ERBB4: variants seen among roughly 807,000 people sequenced by gnomAD.
ERBB4 encodes erb-b2 receptor tyrosine kinase 4.
ERBB4 carries 42 observed loss-of-function variants against 158.0 expected under a neutral mutation model. The ratio of observed to expected loss-of-function variants is 0.27; its 90% CI spans 0.21 to 0.34. ERBB4 has a LOEUF of 0.34. Among genes scored for constraint, ERBB4 ranks in the 10% least tolerant of loss-of-function variants. ERBB4 has a pLI of 1.00. For missense variants in ERBB4, 1,333 were observed against 1,624.1 expected (o/e 0.82, Z 3.08); for synonymous variants, 583 against 558.7 (o/e 1.04, Z -0.61).
chr2:212,078,197 T>A (rs2078328944), intron 2 of ERBB4, among the ~76,000 whole-genome samples: 2 of 152,076 alleles, frequency 1.3e-5, no homozygotes, highest in South Asian at 4.1e-4. Flanking sequence ...TGAACTAAAT[T>A]TAATTTTTAT....
intron 1 of ERBB4, among the ~76,000 whole-genome samples, chr2:212,427,216 C>T (rs957259962): frequency 2.0e-5 from 3 of 152,146 alleles, no homozygotes; most frequent in African/African-American, 7.2e-5. Flanking sequence ...ACTATCATTA[C>T]TATGCAAATA....
chr2:212,239,504 G>A (rs1361708426), intron 1 of ERBB4, among the ~76,000 whole-genome samples: 16 of 152,168 alleles, frequency 1.1e-4, no homozygotes, highest in Admixed American at 1.0e-3. Context: ...CCTCAGTCGT[G>A]TTCCTAAAGC....
intron 1 of ERBB4, among the ~76,000 whole-genome samples, chr2:212,318,946 T>C (rs1465188335): frequency 6.6e-6 from 1 of 151,562 alleles, no homozygotes; most frequent in East Asian, 2.0e-4. Flanking sequence ...GGACCAATCC[T>C]CACCATTTTT....
chr2:212,239,817 A>G lies in ERBB4; in HGVS notation c.83-114914T>C, dbSNP rs1014150176. On this transcript the variant is annotated intron_variant, in intron 1 of 27. Coordinates refer to ENST00000342788, the MANE Select transcript of ERBB4 (RefSeq NM_005235.3). ...TAAAAACAAAAGCAAGAGAAAGACA[A>G]GAATGTTTTTATCCTGTCAGAACTC... is the stretch of plus-strand genomic sequence containing the variant. 2.0e-5 allele frequency among the ~76,000 whole-genome samples: 3 copies of G among 152,242 alleles called. No homozygotes were observed. The East Asian group carries it at 5.8e-4, about 29-fold the overall frequency.
chr2:211,801,898 T>A (rs1409569643), intron 3 of ERBB4, among the ~76,000 whole-genome samples: 1 of 152,158 alleles, frequency 6.6e-6, no homozygotes, highest in African/African-American at 2.4e-5. Context: ...CTGGTGATAA[T>A]CTCTAGTTCA....
chr2:212,472,423 C>G (rs1340393927), intron 1 of ERBB4, among the ~76,000 whole-genome samples: 1 of 151,708 alleles, frequency 6.6e-6, no homozygotes, highest in Non-Finnish European at 1.5e-5. Context: ...GTACGTGGCT[C>G]TTAAGCCTTT....
chr2:212,514,307 G>T (rs1691698267), intron 1 of ERBB4, among the ~76,000 whole-genome samples: 1 of 152,058 alleles, frequency 6.6e-6, no homozygotes, highest in Admixed American at 6.5e-5. Context: ...CTTAAAAGTA[G>T]AATGTCAATG....
intron 1 of ERBB4, among the ~76,000 whole-genome samples, chr2:212,430,875 A>T (rs2092012830): frequency 6.6e-6 from 1 of 152,068 alleles, no homozygotes; most frequent in Admixed American, 6.6e-5. Context: ...AGACAGAGAC[A>T]GTGACACAAA....
intron 1 of ERBB4, among the ~76,000 whole-genome samples, chr2:212,476,155 A>T (rs1338559100): frequency 8.2e-6 from 1 of 122,104 alleles, no homozygotes; most frequent in Non-Finnish European, 1.5e-5. Context: ...TCTCTCTGTC[A>T]CACACACACA....
chr2:212,398,671 T>A (rs905585247), intron 1 of ERBB4, among the ~76,000 whole-genome samples: 4 of 152,186 alleles, frequency 2.6e-5, no homozygotes, highest in African/African-American at 9.6e-5. Flanking sequence ...AAAACAATTG[T>A]ATTTGTAAAA....
At chr2:212,049,837 G>T (rs754798970) in intron 2 of ERBB4, among the ~76,000 whole-genome samples, 1 of 152,106 alleles carries the variant, frequency 6.6e-6, no homozygotes, top group Non-Finnish European at 1.5e-5. Context: ...CAGAAAGAAC[G>T]ATTCCACCAT....
chr2:212,272,730 G>T lies in ERBB4; in HGVS notation c.83-147827C>A, dbSNP rs1448193850. Among the ~76,000 whole-genome samples, 4 of 151,698 alleles carry T rather than the reference G, an allele frequency of 2.6e-5. No individual in the cohort carries two copies. In the East Asian group the frequency reaches 7.8e-4, roughly 29 times the overall value. On this transcript the variant is annotated intron_variant, in intron 1 of 27. Coordinates refer to ENST00000342788, the MANE Select transcript of ERBB4 (RefSeq NM_005235.3). ...GATTCAATAATCCATAAAATTATGA[G>T]ATCAAATACTTTTTTCTTTGCGTAG...
chr2:212,337,596 CAG>C (rs1199966030), intron 1 of ERBB4, among the ~76,000 whole-genome samples: 1 of 152,042 alleles, frequency 6.6e-6, no homozygotes, highest in Non-Finnish European at 1.5e-5. Context: ...ATGCTCACCC[CAG>C]AGGAGTCACA....
intron 1 of ERBB4, among the ~76,000 whole-genome samples, chr2:212,536,781 C>T (rs962567382): frequency 1.3e-5 from 2 of 152,206 alleles, no homozygotes; most frequent in African/African-American, 2.4e-5. Flanking sequence ...GAGGCTGAAC[C>T]AGACAGCCCC....
In ERBB4 at chr2:211,562,188, ACT is replaced by A. The variant is rs1299372194; in HGVS notation, c.2302-102_2302-101del. The stretch of plus-strand genomic sequence containing the variant: ...TGGTGCTGATGATTTTTAAAAATGT[ACT>A]CTTACTCAATGGAATCAATCAAAAT... On this transcript the variant is annotated intron_variant, in intron 19 of 27. Transcript: ENST00000342788. 1.4e-5 allele frequency: 13 copies of A among 951,100 alleles called. No homozygotes were observed. The African/African-American group carries it at 2.1e-4, about 15-fold the overall frequency. The allele number at this position is 951,100 out of a possible 1,614,324, so 58.9% of individuals were successfully genotyped here. A position where few individuals can be genotyped will look rare whatever the true frequency, so the allele number is the denominator to read the frequency against.
chr2:211,424,202 G>A lies in ERBB4; in HGVS notation c.2819C>T (p.Pro940Leu), dbSNP rs983913460. 5 of 1,613,268 alleles carry A rather than the reference G, an allele frequency of 3.1e-6. No homozygotes were observed. The highest frequency in any genetic ancestry group is 1.6e-4 in the Middle Eastern group (1 of 6,082). ...PDLLEKGERLPQPPICTIDVY... is the reference protein window; with the variant it reads ...PDLLEKGERLLQPPICTIDVY... ...GTCAATAGTGCAGATGGGAGGCTGA[G>A]GCAAACGTTCTCCTTTCTCTAATAA... Residue 940 changes from proline (P) to leucine (L), a missense_variant, in exon 23 of 28, where the codon CCT becomes CTT. By Grantham distance (98) the Pro-to-Leu change is moderately conservative (BLOSUM62 -3). Around this residue, in one of 5 missense-constraint regions of ERBB4, gnomAD observed 314 missense variants for 437.6 expected, o/e 0.72. Coordinates refer to ENST00000342788, the MANE Select transcript of ERBB4 (RefSeq NM_005235.3).
intron 27 of ERBB4, among the ~76,000 whole-genome samples, chr2:211,384,692 C>T (rs543822738): frequency 1.7e-4 from 26 of 152,214 alleles, no homozygotes; most frequent in African/African-American, 5.8e-4. Flanking sequence ...CTCTAGTTGA[C>T]CTGCTTGACA....
At chr2:212,075,279 G>C (rs2078242107) in intron 2 of ERBB4, among the ~76,000 whole-genome samples, 1 of 151,686 alleles carries the variant, frequency 6.6e-6, no homozygotes, top group African/African-American at 2.4e-5. Context: ...AGTTTTAATT[G>C]GTATAGGATA....
chr2:212,461,669 G>C (rs1316084975), intron 1 of ERBB4, among the ~76,000 whole-genome samples: 1 of 152,084 alleles, frequency 6.6e-6, no homozygotes, highest in Non-Finnish European at 1.5e-5. Context: ...AGGCATAATT[G>C]GTTCCAAAAT....
Sources: allele counts gnomAD v4.1 joint callset (sites outside exome capture counted in the v4.1 genomes callset), GRCh38; gene constraint gnomAD v4.1.1; regional missense constraint gnomAD v4.1.1; transcripts MANE v1.5; gene names NCBI Gene and HGNC (gene_info 2026-07-23, HGNC 2026-07-21).